The following RALGDS variants were observed in gnomAD, a reference collection of about 807,000 sequenced individuals.
RALGDS encodes the protein ral guanine nucleotide exchange factor.
In RALGDS, 44 loss-of-function variants were observed where a neutral mutation model predicts 99.8. The observed-to-expected ratio is 0.44, with a 90% CI of 0.35 to 0.57. The LOEUF (loss-of-function observed/expected upper bound fraction) is 0.57. RALGDS is among the 20% of genes least tolerant of loss of function. RALGDS has a pLI of 0.01. For synonymous variants in RALGDS, 529 were observed against 505.0 expected (o/e 1.05, Z -0.64); for missense variants, 1,022 against 1,203.1 (o/e 0.85, Z 2.23).
At chr9:133,113,348 G>T (rs1219484238) in intron 1 of RALGDS, among the ~76,000 whole-genome samples, 1 of 152,188 alleles carries the variant, frequency 6.6e-6, no homozygotes, top group African/African-American at 2.4e-5. Context: ...CGGGACCCTG[G>T]CCTCCTGCCT....
At chr9:133,145,679 C>A (rs1357554522) in intron 1 of RALGDS, among the ~76,000 whole-genome samples, 1 of 152,152 alleles carries the variant, frequency 6.6e-6, no homozygotes, top group African/African-American at 2.4e-5. Context: ...AGAGGGGAAG[C>A]CATCTGGGTC....
At chr9:133,142,249 G>C (rs1209503860) in intron 1 of RALGDS, among the ~76,000 whole-genome samples, 1 of 152,136 alleles carries the variant, frequency 6.6e-6, no homozygotes, top group East Asian at 1.9e-4. Context: ...AGAAGTATCT[G>C]AGGAAACTCA....
intron 1 of RALGDS, among the ~76,000 whole-genome samples, chr9:133,129,585 T>C (rs1416313792): frequency 1.3e-5 from 2 of 152,146 alleles, no homozygotes; most frequent in South Asian, 2.1e-4. Context: ...CCATTCCCCC[T>C]GTGTCGGGGG....
chr9:133,103,952 ACT>A, intron 10 of RALGDS, 119 bp from the exon 11 acceptor site: 1 of 984,858 alleles, frequency 1.0e-6, no homozygotes, highest in South Asian at 1.3e-5. Flanking sequence ...CCTGGGGCCC[ACT>A]GTCTCCCTGG....
intron 9 of RALGDS, among the ~76,000 whole-genome samples, chr9:133,105,619 G>C (rs1297832847): frequency 6.6e-6 from 1 of 152,092 alleles, no homozygotes; most frequent in Non-Finnish European, 1.5e-5. Flanking sequence ...CACCCAGCAG[G>C]AGGGACCGGC....
intron 1 of RALGDS, among the ~76,000 whole-genome samples, chr9:133,138,998 G>A (rs1029661308): frequency 7.2e-5 from 11 of 152,038 alleles, no homozygotes; most frequent in Non-Finnish European, 1.5e-4. Context: ...CTGTGGCAAC[G>A]TGCTGTCCCT....
At chr9:133,121,936 C>CATTTTTGGGGCGGGGCCCTACCA (rs5901006), upstream of RALGDS, among the ~76,000 whole-genome samples, 46 of 152,066 alleles carry the variant, frequency 3.0e-4, no homozygotes, top group African/African-American at 1.1e-3. Flanking sequence ...GGGGCCCTAC[C>CATTTTTGGGGCGGGGCCCTACCA]TTTTTGGGGC....
At chr9:133,100,163 C>T in intron 17 of RALGDS, 105 bp downstream of exon 17, 3 of 1,044,464 alleles carry the variant, frequency 2.9e-6, no homozygotes. Context: ...AGTGTCTACC[C>T]ACACTCTGCT....
chr9:133,131,106 C>T (rs919846642), exon 1 of RALGDS: 27 of 1,454,244 alleles, frequency 1.9e-5, no homozygotes, highest in South Asian at 2.8e-5. Flanking sequence ...CCCGGCTTCC[C>T]GCCCAGACAC....
chr9:133,132,752 G>C (rs1832361065), upstream of RALGDS, among the ~76,000 whole-genome samples: 1 of 152,154 alleles, frequency 6.6e-6, no homozygotes, highest in African/African-American at 2.4e-5. Context: ...CGAGTCTCCT[G>C]TCTCAGCCTC....
upstream of RALGDS, among the ~76,000 whole-genome samples, chr9:133,133,695 T>C (rs1011156661): frequency 2.0e-5 from 3 of 152,226 alleles, no homozygotes; most frequent in African/African-American, 4.8e-5. Flanking sequence ...ACGACGACCC[T>C]GACCCCAGGC....
At position 133,107,326 on chromosome 9, in the gene RALGDS, G is replaced by C. The variant is rs1373690570; in HGVS notation, c.1198-26C>G. ...CTGGGGAGGAGGCTAAATGTCACCT[G>C]GTCCTGCCCCAGCAGTCTGGGCTGG... On this transcript the variant is annotated intron_variant, in intron 6 of 17. Coordinates refer to ENST00000372050, the MANE Select transcript of RALGDS (RefSeq NM_006266.4). 2.0e-5 allele frequency: 32 copies of C among 1,583,282 alleles called. No individual in the cohort carries two copies. In the East Asian group the frequency reaches 7.0e-4, roughly 35 times the overall value.
chr9:133,114,747 G>A (rs907635231), intron 1 of RALGDS, among the ~76,000 whole-genome samples: 10 of 152,210 alleles, frequency 6.6e-5, no homozygotes, highest in African/African-American at 2.4e-5. Context: ...AGAACACCAC[G>A]TGCTTGGCTG....
At position 133,107,096 on chromosome 9, in the gene RALGDS, C is replaced by T. The variant is rs1224712997; in HGVS notation, c.1402G>A (p.Glu468Lys). ...CTCCTCTGGCATACCCTGGCCACCT[C>T]GATCCAGTGCTCCACCACCCTGGCC... is the stretch of plus-strand genomic sequence containing the variant. ...DRARVVEHWI[E>K]VARECRILKN... is the part of the protein sequence containing the mutation. The change falls in exon 7 of 18, where the codon GAG (glutamate) becomes AAG (lysine). Residue 468 changes from glutamate (E) to lysine (K), a missense_variant. Physicochemically the swap from Glu to Lys is moderately conservative, Grantham distance 56. Around this residue, in one of 3 missense-constraint regions of RALGDS, gnomAD observed 825 missense variants for 994.5 expected, o/e 0.83. Transcript: ENST00000372050. 4 of 1,613,528 alleles carry T rather than the reference C, an allele frequency of 2.5e-6. No individual in the cohort carries two copies. The highest frequency in any genetic ancestry group is 2.2e-5 in the East Asian group (1 of 44,882).
chr9:133,138,054 A>G (rs1010170934), intron 1 of RALGDS, among the ~76,000 whole-genome samples: 10 of 152,200 alleles, frequency 6.6e-5, no homozygotes, highest in African/African-American at 2.4e-4. Flanking sequence ...TGCCGCCACC[A>G]GCCTGCTGCC....
intron 2 of RALGDS, 23 bp downstream of exon 2, chr9:133,112,019 G>C: frequency 1.3e-6 from 2 of 1,523,940 alleles, no homozygotes; most frequent in Non-Finnish European, 1.8e-6. Flanking sequence ...GCGTCTCCCA[G>C]TGGAGACCCC....
At chr9:133,100,599 T>G in intron 16 of RALGDS, 1 of 1,430,930 alleles carries the variant, frequency 7.0e-7, no homozygotes, top group South Asian at 1.4e-5. Flanking sequence ...CTCCATGGAA[T>G]GAGGAGGGGT....
intron 12 of RALGDS, among the ~76,000 whole-genome samples, 160 bp from the exon 13 acceptor site, chr9:133,103,060 T>C (rs1019951353): frequency 3.9e-5 from 6 of 152,146 alleles, no homozygotes; most frequent in African/African-American, 1.4e-4. Context: ...GAGGTGGTCC[T>C]GGATTATAAC....
upstream of RALGDS, among the ~76,000 whole-genome samples, chr9:133,135,403 A>T (rs1413596584): frequency 6.6e-6 from 1 of 152,116 alleles, no homozygotes; most frequent in African/African-American, 2.4e-5. Flanking sequence ...GCCGGCCCCT[A>T]TTACCAGCCC....
Sources: allele counts gnomAD v4.1 joint callset (sites outside exome capture counted in the v4.1 genomes callset), GRCh38; gene constraint gnomAD v4.1.1; regional missense constraint gnomAD v4.1.1; transcripts MANE v1.5; gene names NCBI Gene and HGNC (gene_info 2026-07-23, HGNC 2026-07-21).